The following ABI2 variants were observed in gnomAD, a reference collection of about 807,000 sequenced individuals.
ABI2 encodes the protein abl interactor 2.
Under a neutral mutation model 59.2 loss-of-function variants are expected in ABI2, and 25 were observed. The observed-to-expected ratio is 0.42, with a 90% CI of 0.31 to 0.59. The LOEUF is 0.59. Ranked by LOEUF, ABI2 falls within the 20% of genes least tolerant of loss-of-function variation. ABI2 has a pLI of 0.14. For missense variants in ABI2, 545 were observed against 681.8 expected, an observed-to-expected ratio of 0.80 and a Z score of 2.23; for synonymous variants, 213 against 235.5, an observed-to-expected ratio of 0.90 and a Z score of 0.87.
chr2:203,370,221 TC>T (rs2095012433), intron 2 of ABI2, among the ~76,000 whole-genome samples: 1 of 150,136 alleles, frequency 6.7e-6, no homozygotes, highest in Non-Finnish European at 1.5e-5. Context: ...TCTCTCTCTC[TC>T]TCTCTTTCTG....
chr2:203,411,540 ATAAC>A (rs759916068), intron 10 of ABI2, among the ~76,000 whole-genome samples, 169 bp downstream of exon 10: 14 of 152,366 alleles, frequency 9.2e-5, no homozygotes, highest in Non-Finnish European at 1.8e-4. Flanking sequence ...CTACTTTTAA[ATAAC>A]TAATAGTAAA....
chr2:203,344,242 A>G (rs1308151499), intron 1 of ABI2, among the ~76,000 whole-genome samples: 2 of 152,272 alleles, frequency 1.3e-5, no homozygotes, highest in Non-Finnish European at 2.9e-5. Context: ...TAGGCCATTA[A>G]TAATATTCAT....
In ABI2 at chr2:203,395,735, G is replaced by T; in HGVS notation, c.805G>T (p.Val269Phe). The T allele has an allele frequency of 6.2e-7, 1 of 1,611,024 alleles. No homozygotes were observed. The highest frequency in any genetic ancestry group is 1.7e-4 in the Middle Eastern group (1 of 6,058). ...GAACAGTGGAAGTGGTAGTGTGGGG[G>T]TTCCTATTGCTGTTCCTACTCCATC... ...RENSGSGSVG[V>F]PIAVPTPSPP... The change falls in exon 7 of 12, where the codon GTT (valine) becomes TTT (phenylalanine). Residue 269 changes from valine to phenylalanine, a missense_variant. Transcript: ENST00000261018.
intron 2 of ABI2, among the ~76,000 whole-genome samples, chr2:203,368,807 G>A (rs968809049): frequency 1.3e-5 from 2 of 151,216 alleles, no homozygotes; most frequent in African/African-American, 2.4e-5. Flanking sequence ...TTTAAATGAC[G>A]AAATAGATGA....
At position 203,411,300 on chromosome 2, in the gene ABI2, C is replaced by T; in HGVS notation, c.1208C>T (p.Pro403Leu). Residue 403 changes from proline to leucine, a missense_variant, in exon 10 of 12, where the codon CCT (proline) becomes CTT (leucine). Coordinates refer to ENST00000261018, the MANE Select transcript of ABI2 (RefSeq NM_001375670.1). Reference protein sequence around the residue: ...YSQNPVSLAPPPPSILQVTPQ... With the variant: ...YSQNPVSLAPLPPSILQVTPQ... Reference sequence around the variant, plus strand: ...GTTTTTGCAGTATCTCTTGCTCCTCCTCCTCCCTCCATCCTACAGGTAACT... The same window carrying T: ...GTTTTTGCAGTATCTCTTGCTCCTCTTCCTCCCTCCATCCTACAGGTAACT... 6.2e-7 allele frequency: 1 copy of T among 1,613,704 alleles called. No individual in the cohort carries two copies. Among genetic ancestry groups the T allele is most frequent in the Non-Finnish European group, 8.5e-7 (1 of 1,179,768 alleles).
At chr2:203,352,977 C>A (rs904100649) in intron 1 of ABI2, among the ~76,000 whole-genome samples, 1 of 152,156 alleles carries the variant, frequency 6.6e-6, no homozygotes, top group African/African-American at 2.4e-5. Flanking sequence ...ACAGGTTTGT[C>A]GTGTAGGAGC....
intron 1 of ABI2, chr2:203,342,170 T>C (rs1422165832): frequency 2.2e-6 from 1 of 453,022 alleles, no homozygotes; most frequent in African/African-American, 2.0e-5. Context: ...TTATATGTTT[T>C]TTTCCTTCCT....
At chr2:203,404,639 A>AC (rs2097353181) in intron 9 of ABI2, among the ~76,000 whole-genome samples, 1 of 151,690 alleles carries the variant, frequency 6.6e-6, no homozygotes, top group African/African-American at 2.4e-5. Flanking sequence ...GCTCACTGCA[A>AC]CCTCTACCTC....
At chr2:203,333,078 A>G (rs1007397187) in intron 1 of ABI2, among the ~76,000 whole-genome samples, 1 of 152,182 alleles carries the variant, frequency 6.6e-6, no homozygotes, top group Non-Finnish European at 1.5e-5. Flanking sequence ...TAAAAACTTC[A>G]TGAGAGGTTT....
At chr2:203,384,290 G>GTTTTTTTTTTT (rs796117154) in intron 4 of ABI2, among the ~76,000 whole-genome samples, 1 of 26,108 alleles carries the variant, frequency 3.8e-5, no homozygotes, top group Non-Finnish European at 8.0e-5. Context: ...TTTTGTTTTT[G>GTTTTTTTTTTT]TTTTTTTTTT....
intron 4 of ABI2, among the ~76,000 whole-genome samples, chr2:203,386,705 A>G (rs2096539068): frequency 7.4e-6 from 1 of 134,508 alleles, no homozygotes; most frequent in East Asian, 2.1e-4. Context: ...CAGTGGCGCT[A>G]TGGCTCACTG....
intron 11 of ABI2, among the ~76,000 whole-genome samples, chr2:203,426,349 C>A (rs1317259782): frequency 6.6e-6 from 1 of 152,046 alleles, no homozygotes; most frequent in East Asian, 1.9e-4. Flanking sequence ...TACAGGGCAT[C>A]CCAGTATAAC....
intron 2 of ABI2, among the ~76,000 whole-genome samples, chr2:203,367,755 C>T (rs748640127): frequency 1.3e-5 from 2 of 151,978 alleles, no homozygotes; most frequent in African/African-American, 2.4e-5. Flanking sequence ...GTAATCCCAG[C>T]ACTTTGGGAG....
intron 1 of ABI2, among the ~76,000 whole-genome samples, chr2:203,346,270 A>G (rs1295110003): frequency 6.6e-6 from 1 of 152,226 alleles, no homozygotes; most frequent in African/African-American, 2.4e-5. Flanking sequence ...CAAACCAGAT[A>G]GATCTACCGG....
chr2:203,373,673 G>A (rs1296495268), intron 2 of ABI2, among the ~76,000 whole-genome samples: 1 of 152,166 alleles, frequency 6.6e-6, no homozygotes. Flanking sequence ...AGAAAGTAGT[G>A]CTCTTCCCAC....
Position 203,431,888 on chromosome 2 carries a change from T to C in ABI2, c.*4536T>C, listed in dbSNP as rs1455430077. ...CAGTTTTTATCATATTTTGTGTCCA[T>C]GCACCATTTTTCTTAAAATGGCTTA... On this transcript the variant is annotated 3_prime_UTR_variant, in exon 12 of 12. Coordinates refer to ENST00000261018, the MANE Select transcript of ABI2 (RefSeq NM_001375670.1). 1 of 152,196 alleles carries C rather than the reference T, an allele frequency of 6.6e-6. No homozygotes were observed. The highest frequency in any genetic ancestry group is 1.5e-5 in the Non-Finnish European group (1 of 68,026). The allele number at this position is 152,196 out of a possible 1,614,324, so 9.4% of individuals were successfully genotyped here.
intron 1 of ABI2, among the ~76,000 whole-genome samples, chr2:203,333,069 A>G (rs953882823): frequency 2.0e-5 from 3 of 152,208 alleles, no homozygotes; most frequent in Non-Finnish European, 4.4e-5. Flanking sequence ...AGAGTTCACT[A>G]AAAACTTCAT....
chr2:203,353,860 T>C (rs1410704606), intron 1 of ABI2, among the ~76,000 whole-genome samples: 1 of 152,190 alleles, frequency 6.6e-6, no homozygotes, highest in Non-Finnish European at 1.5e-5. Flanking sequence ...CCATGTGATA[T>C]GCCCATATTG....
intron 11 of ABI2, among the ~76,000 whole-genome samples, chr2:203,424,227 C>T (rs905928148): frequency 3.3e-5 from 5 of 152,126 alleles, no homozygotes; most frequent in Admixed American, 1.3e-4. Flanking sequence ...TTTATTACAC[C>T]GCTTTAGAGT....
Sources: gnomAD v4.1 joint callset for allele counts (sites outside exome capture counted in the v4.1 genomes callset) on GRCh38, gnomAD v4.1.1 for gene constraint, MANE v1.5 for transcripts, NCBI Gene and HGNC (gene_info 2026-07-23, HGNC 2026-07-21) for gene names.